Variants in CFAP90 observed in about 807,000 individuals in gnomAD.
CFAP90 encodes cilia and flagella associated protein 90, also known as cilia- and flagella-associated protein 90.
At chr5:7,850,986 C>T in the CFAP90 span, 3 of 1,297,680 alleles carry the variant, frequency 2.3e-6, no homozygotes, top group South Asian at 2.8e-5. Context: ...TGCCCCGCAG[C>T]GTGGACGCGG....
At chr5:7,845,982 G>A in the CFAP90 span, among the ~76,000 whole-genome samples, 1 of 129,288 alleles carries the variant, frequency 7.7e-6, no homozygotes, top group Non-Finnish European at 1.7e-5. Context: ...CGAGGGTCAG[G>A]GATATGAGGT....
chr5:7,833,654 CAT>C, the CFAP90 span, among the ~76,000 whole-genome samples: 2 of 152,140 alleles, frequency 1.3e-5, no homozygotes, highest in Non-Finnish European at 2.9e-5. Context: ...CATGTACACA[CAT>C]GTATGCCTAT....
chr5:7,831,777 A>G, the CFAP90 span: 1 of 1,438,750 alleles, frequency 7.0e-7, no homozygotes, highest in Non-Finnish European at 9.6e-7. Context: ...GAGGCTCCAG[A>G]TGCCACCTTC....
chr5:7,832,344 C>T, the CFAP90 span, among the ~76,000 whole-genome samples: 1 of 152,086 alleles, frequency 6.6e-6, no homozygotes, highest in South Asian at 2.1e-4. Flanking sequence ...CTGGTCCCTT[C>T]CCACCACCCA....
At chr5:7,850,748 A>T in the CFAP90 span, 1 of 745,452 alleles carries the variant, frequency 1.3e-6, no homozygotes, top group Non-Finnish European at 1.6e-6. Context: ...CGCTGGGGTG[A>T]TCCCTTCTCC....
chr5:7,850,819 C>T, the CFAP90 span: 8 of 978,994 alleles, frequency 8.2e-6, no homozygotes, highest in Non-Finnish European at 7.8e-6. Flanking sequence ...CGCCCAGCCG[C>T]CCAGCCGCCC....
At chr5:7,849,795 C>T in the CFAP90 span, among the ~76,000 whole-genome samples, 1 of 146,214 alleles carries the variant, frequency 6.8e-6, no homozygotes, top group African/African-American at 2.6e-5. Context: ...CCAGCTATTC[C>T]TTCTGGTCTT....
the CFAP90 span, among the ~76,000 whole-genome samples, chr5:7,834,054 C>A: frequency 3.3e-5 from 5 of 152,048 alleles, no homozygotes; most frequent in African/African-American, 1.2e-4. Flanking sequence ...TAAGAGTGTA[C>A]CCCTTCAACT....
chr5:7,845,066 G>A, the CFAP90 span, among the ~76,000 whole-genome samples: 2 of 152,192 alleles, frequency 1.3e-5, no homozygotes, highest in African/African-American at 4.8e-5. Flanking sequence ...AATCATGGCA[G>A]AAAGCAAAGG....
chr5:7,843,000 C>G, the CFAP90 span, among the ~76,000 whole-genome samples: 3 of 152,182 alleles, frequency 2.0e-5, no homozygotes, highest in Admixed American at 6.5e-5. Flanking sequence ...CCCACCTTGT[C>G]TAATATGCTA....
chr5:7,833,331 T>C, the CFAP90 span, among the ~76,000 whole-genome samples: 1 of 151,612 alleles, frequency 6.6e-6, no homozygotes, highest in Non-Finnish European at 1.5e-5. Flanking sequence ...GCATACAATA[T>C]ACACACATGT....
chr5:7,830,576 A>G, the CFAP90 span: 21 of 152,362 alleles, frequency 1.4e-4, no homozygotes, highest in East Asian at 3.9e-3. Flanking sequence ...TAAATAAAAG[A>G]CACCTACACT....
chr5:7,838,901 C>T, the CFAP90 span, among the ~76,000 whole-genome samples: 1 of 152,222 alleles, frequency 6.6e-6, no homozygotes, highest in Admixed American at 6.5e-5. Flanking sequence ...ATAATGCTCC[C>T]TGCAGGTGGG....
the CFAP90 span, among the ~76,000 whole-genome samples, chr5:7,833,578 A>G: frequency 1.3e-5 from 2 of 152,248 alleles, no homozygotes; most frequent in East Asian, 3.9e-4. Context: ...CCACACACAA[A>G]CATATGTACA....
the CFAP90 span, among the ~76,000 whole-genome samples, chr5:7,838,628 C>T: frequency 0.012 from 1,827 of 152,310 alleles, 42 homozygotes; most frequent in African/African-American, 0.042. Context: ...ACCCCACATA[C>T]GCCCAATATT....
At chr5:7,834,173 G>A in the CFAP90 span, among the ~76,000 whole-genome samples, 4 of 152,246 alleles carry the variant, frequency 2.6e-5, no homozygotes, top group Admixed American at 6.5e-5. Flanking sequence ...GTTGCGTGAC[G>A]TCGCCTTTGA....
the CFAP90 span, among the ~76,000 whole-genome samples, chr5:7,832,751 G>A: frequency 3.9e-5 from 6 of 152,112 alleles, no homozygotes; most frequent in Non-Finnish European, 8.8e-5. Flanking sequence ...GCCTCCCAAA[G>A]TGCTGGGATT....
the CFAP90 span, among the ~76,000 whole-genome samples, chr5:7,836,581 G>A: frequency 6.6e-6 from 1 of 152,298 alleles, no homozygotes; most frequent in Non-Finnish European, 1.5e-5. Context: ...ATGATTTTAG[G>A]GAGGTAGTAA....
chr5:7,849,807 G>C, the CFAP90 span, among the ~76,000 whole-genome samples: 1 of 119,874 alleles, frequency 8.3e-6, no homozygotes, highest in Non-Finnish European at 1.8e-5. Context: ...TCTGGTCTTC[G>C]GTTTGCAGGA....
Sources: gnomAD v4.1 joint callset for allele counts (sites outside exome capture counted in the v4.1 genomes callset) on GRCh38, gnomAD v4.1.1 for gene constraint, MANE v1.5 for transcripts, NCBI Gene and HGNC (gene_info 2026-07-23, HGNC 2026-07-21) for gene names.